LARP1B: variants seen among roughly 807,000 people sequenced by gnomAD.
LARP1B encodes the protein la-related protein 1B.
Under a neutral mutation model 114.2 loss-of-function variants are expected in LARP1B, and 76 were observed. That is an observed-to-expected ratio of 0.67 (90% confidence interval 0.55 to 0.81). LARP1B has a LOEUF of 0.81. LARP1B is among the 30% of genes least tolerant of loss of function. LARP1B has a pLI of 0.00. For missense variants in LARP1B, 1,014 were observed against 1,075.8 expected, an observed-to-expected ratio of 0.94 and a Z score of 0.80; for synonymous variants, 345 against 348.0, an observed-to-expected ratio of 0.99 and a Z score of 0.10.
intron 15 of LARP1B, among the ~76,000 whole-genome samples, chr4:128,181,906 C>T (rs187733108): frequency 0.026 from 3,895 of 149,946 alleles, 74 homozygotes; most frequent in Middle Eastern, 0.066. Context: ...CCTGGGTTCA[C>T]GCCATTCTCC....
chr4:128,163,527 C>T (rs1265496392), intron 12 of LARP1B, among the ~76,000 whole-genome samples: 2 of 151,976 alleles, frequency 1.3e-5, no homozygotes, highest in African/African-American at 4.8e-5. Flanking sequence ...TACGTCTTAC[C>T]TTAATAGGTA....
chr4:128,152,206 G>T (rs1161071415), intron 11 of LARP1B, among the ~76,000 whole-genome samples: 2 of 112,020 alleles, frequency 1.8e-5, no homozygotes, highest in African/African-American at 4.0e-5. Context: ...ATAAGATGGT[G>T]ATTTTTTTTT....
chr4:128,167,427 G>C (rs913958982), intron 12 of LARP1B, among the ~76,000 whole-genome samples: 1 of 151,850 alleles, frequency 6.6e-6, no homozygotes, highest in Non-Finnish European at 1.5e-5. Flanking sequence ...TTGCATTCTT[G>C]CTATTGAGTT....
At chr4:128,141,695 A>C (rs1728155864) in intron 11 of LARP1B, among the ~76,000 whole-genome samples, 1 of 152,152 alleles carries the variant, frequency 6.6e-6, no homozygotes, top group Admixed American at 6.5e-5. Context: ...ATTTGAGAGA[A>C]CATTTCCAGT....
chr4:128,064,048 G>A (rs1268445093), intron 1 of LARP1B, among the ~76,000 whole-genome samples: 1 of 152,054 alleles, frequency 6.6e-6, no homozygotes, highest in African/African-American at 2.4e-5. Context: ...GAGGCGGGTG[G>A]ATCACCTGAG....
chr4:128,206,945 G>C (rs1423149094), intron 18 of LARP1B: 1 of 618,236 alleles, frequency 1.6e-6, no homozygotes, highest in Non-Finnish European at 2.0e-6. Flanking sequence ...CTATGTGATT[G>C]TGGGTAAATT....
At chr4:128,105,060 C>G (rs1238004748) in intron 8 of LARP1B, among the ~76,000 whole-genome samples, 1 of 133,044 alleles carries the variant, frequency 7.5e-6, no homozygotes, top group Non-Finnish European at 1.6e-5. Flanking sequence ...GGGAAAGTTT[C>G]AAGGAGTTTT....
rs1185403364 is a variant in LARP1B, at chr4:128,121,919, A to T, written c.1255A>T (p.Ile419Phe). 6.2e-7 allele frequency: 1 copy of T among 1,612,774 alleles called. No homozygotes were observed. The highest frequency in any genetic ancestry group is 1.1e-5 in the South Asian group (1 of 90,976). Residue 419 changes from isoleucine to phenylalanine, a missense_variant, in exon 11 of 20, where the codon ATT becomes TTT. Ile to Phe is a conservative substitution (Grantham distance 21). Coordinates refer to ENST00000326639, the MANE Select transcript of LARP1B (RefSeq NM_018078.4). ...ACTTGATTTTTTGTTTGATGAAGAG[A>T]TTGAACAAATAGGACGAAAAAACAC... ...EELDFLFDEE[I>F]EQIGRKNTFT...
At chr4:128,201,396 C>T (rs1755886578) in intron 17 of LARP1B, among the ~76,000 whole-genome samples, 1 of 152,186 alleles carries the variant, frequency 6.6e-6, no homozygotes, top group African/African-American at 2.4e-5. Context: ...CTTGCATGTA[C>T]ATATACATAC....
intron 12 of LARP1B, among the ~76,000 whole-genome samples, chr4:128,175,597 T>G (rs1297630046): frequency 6.6e-6 from 1 of 152,136 alleles, no homozygotes; most frequent in Admixed American, 6.5e-5. Flanking sequence ...GATAAATGCT[T>G]GCTTCTTTCT....
chr4:128,104,192 C>CAGAA (rs1260464009), intron 8 of LARP1B, among the ~76,000 whole-genome samples: 2 of 151,948 alleles, frequency 1.3e-5, no homozygotes, highest in Non-Finnish European at 2.9e-5. Flanking sequence ...GATTAAGATA[C>CAGAA]AGAACATTTT....
chr4:128,100,817 GT>G (rs1248692515), intron 8 of LARP1B, among the ~76,000 whole-genome samples: 8 of 126,564 alleles, frequency 6.3e-5, no homozygotes, highest in African/African-American at 2.4e-4. Context: ...TTTTTTTTTT[GT>G]TTTTTGTTTT....
In LARP1B at chr4:128,082,403, T is replaced by C. The variant is rs1770840355; in HGVS notation, c.358+98T>C. The C allele has an allele frequency of 1.3e-5, 14 of 1,082,600 alleles. No homozygotes were observed. The South Asian group carries it at 2.0e-4, about 16-fold the overall frequency. 67.1% of individuals were successfully genotyped at this position (1,082,600 alleles called of 1,614,324 possible). Reference sequence around the variant, plus strand: ...ATGTATAAACCATTTGAGAATAAGTTGAAGACATCATGTCCCTTTAACCCC... The same window carrying C: ...ATGTATAAACCATTTGAGAATAAGTCGAAGACATCATGTCCCTTTAACCCC... On this transcript the variant is annotated intron_variant, in intron 5 of 19. Transcript: ENST00000326639.
chr4:128,103,415 C>T (rs979781162), intron 8 of LARP1B, among the ~76,000 whole-genome samples: 1 of 151,904 alleles, frequency 6.6e-6, no homozygotes, highest in African/African-American at 2.4e-5. Flanking sequence ...TTTTTTTCCC[C>T]ATTTTTCCAC....
intron 11 of LARP1B, among the ~76,000 whole-genome samples, chr4:128,131,852 G>A (rs985591422): frequency 1.1e-4 from 17 of 152,114 alleles, no homozygotes; most frequent in African/African-American, 4.1e-4. Context: ...AAATAAAATC[G>A]TTGTTATACC....
Position 128,078,060 on chromosome 4 carries a change from A to G in LARP1B, c.217+98A>G, listed in dbSNP as rs181620242. 23 of 785,676 alleles carry G rather than the reference A, an allele frequency of 2.9e-5. No homozygotes were observed. In the African/African-American group the frequency reaches 3.6e-4, roughly 12 times the overall value. 48.7% of individuals were successfully genotyped at this position (785,676 alleles called of 1,614,324 possible). ...ACTGATCTCTGGTAGTCAAAAATGT[A>G]TAGTTTGTATTTCTTCAGGATAAAC... is the stretch of plus-strand genomic sequence containing the variant. On this transcript the variant is annotated intron_variant, in intron 4 of 19. Transcript: ENST00000326639.
At chr4:128,214,523 G>T (rs552198931), downstream of LARP1B, among the ~76,000 whole-genome samples, 9 of 152,114 alleles carry the variant, frequency 5.9e-5, no homozygotes, top group Non-Finnish European at 1.2e-4. Flanking sequence ...TAACTGGGAG[G>T]CAGGGGCACA....
At position 128,062,093 on chromosome 4, in the gene LARP1B, C is replaced by T. The variant is rs1579559998; in HGVS notation, c.-78+692C>T. ...CGCCCGGGAAGAGGTGGCAGCTGGC[C>T]CTGCGGAAAAGCGGCAGCCGCCGCT... On this transcript the variant is annotated intron_variant, in intron 1 of 19. Transcript: ENST00000326639. The T allele has an allele frequency of 9.1e-6, 9 of 985,410 alleles. No individual in the cohort carries two copies. In the African/African-American group the frequency reaches 1.2e-4, roughly 13 times the overall value. 61.0% of individuals were successfully genotyped at this position (985,410 alleles called of 1,614,324 possible). A position where few individuals can be genotyped will look rare whatever the true frequency, so the allele number is the denominator to read the frequency against.
intron 11 of LARP1B, among the ~76,000 whole-genome samples, chr4:128,131,360 GA>G (rs1195230777): frequency 2.6e-5 from 4 of 152,062 alleles, no homozygotes; most frequent in Non-Finnish European, 4.4e-5. Flanking sequence ...TCAAAGGAGG[GA>G]GGGGCAAAGA....
Sources: gnomAD v4.1 joint callset for allele counts (sites outside exome capture counted in the v4.1 genomes callset) on GRCh38, gnomAD v4.1.1 for gene constraint, MANE v1.5 for transcripts, NCBI Gene and HGNC (gene_info 2026-07-23, HGNC 2026-07-21) for gene names.